The following SGCD variants were observed in gnomAD, a reference collection of about 807,000 sequenced individuals.
SGCD encodes sarcoglycan delta, also known as delta-sarcoglycan.
Under a neutral mutation model 36.6 loss-of-function variants are expected in SGCD, and 18 were observed. That is an observed-to-expected ratio of 0.49 (90% CI 0.34 to 0.73). The LOEUF (loss-of-function observed/expected upper bound fraction) is 0.73, where lower values mean the gene tolerates loss of function less well. Ranked by LOEUF, SGCD falls within the 30% of genes least tolerant of loss-of-function variation. The probability of loss-of-function intolerance (pLI) is 0.01; values close to 1 mark genes in which losing one functional copy is unlikely to be tolerated. For synonymous variants in SGCD, 133 were observed against 130.6 expected, an observed-to-expected ratio of 1.02 and a Z score of -0.12; for missense variants, 387 against 346.7, an observed-to-expected ratio of 1.12 and a Z score of -0.92.
chr5:155,955,010 T>A (rs1253990854), intron 1 of SGCD, among the ~76,000 whole-genome samples: 2 of 152,138 alleles, frequency 1.3e-5, no homozygotes, highest in Non-Finnish European at 2.9e-5. Context: ...GACCAGTGTC[T>A]TGCTCAAGCT....
chr5:156,422,993 G>A (rs1370511630), intron 3 of SGCD, among the ~76,000 whole-genome samples: 2 of 150,620 alleles, frequency 1.3e-5, no homozygotes, highest in Non-Finnish European at 2.9e-5. Context: ...GAATGCCAGA[G>A]GCCTGCAGTC....
intron 3 of SGCD, among the ~76,000 whole-genome samples, chr5:156,190,833 T>C (rs557372945): frequency 6.6e-6 from 1 of 152,248 alleles, no homozygotes; most frequent in African/African-American, 2.4e-5. Flanking sequence ...CATCTAAAAT[T>C]CATCGGGAGT....
chr5:156,314,181 T>A (rs1767456863), intron 3 of SGCD, among the ~76,000 whole-genome samples: 1 of 152,168 alleles, frequency 6.6e-6, no homozygotes, highest in South Asian at 2.1e-4. Flanking sequence ...GGAGGGTCAC[T>A]GTATTGGTGA....
At chr5:155,890,269 A>G (rs1756093745) in intron 1 of SGCD, among the ~76,000 whole-genome samples, 1 of 152,074 alleles carries the variant, frequency 6.6e-6, no homozygotes, top group African/African-American at 2.4e-5. Context: ...GAAACTCATT[A>G]TGGCCAAGCC....
chr5:155,930,756 C>G (rs991021916), intron 1 of SGCD, among the ~76,000 whole-genome samples: 3 of 152,142 alleles, frequency 2.0e-5, no homozygotes, highest in Admixed American at 6.5e-5. Flanking sequence ...ATGGTTCTTT[C>G]CAATTAAAAT....
At chr5:156,469,499 T>C (rs1321001271) in intron 3 of SGCD, among the ~76,000 whole-genome samples, 1 of 152,246 alleles carries the variant, frequency 6.6e-6, no homozygotes, top group East Asian at 1.9e-4. Context: ...GATTTTTATA[T>C]TTATTTAAAG....
chr5:156,266,999 C>T (rs564711440), intron 3 of SGCD, among the ~76,000 whole-genome samples: 23 of 152,120 alleles, frequency 1.5e-4, no homozygotes, highest in African/African-American at 5.1e-4. Flanking sequence ...TAAAGCTTTC[C>T]TTCCTGTTAA....
intron 3 of SGCD, among the ~76,000 whole-genome samples, chr5:156,149,851 C>G (rs1241170338): frequency 2.0e-5 from 3 of 152,162 alleles, no homozygotes. Context: ...GAATCATCTA[C>G]TTCTTAAAAT....
chr5:156,307,600 G>C (rs879635027), intron 3 of SGCD, among the ~76,000 whole-genome samples: 1 of 27,670 alleles, frequency 3.6e-5, no homozygotes, highest in Admixed American at 4.8e-4. Context: ...CTGAATTTGT[G>C]TCTCGTTTTG....
chr5:155,777,946 T>C, the SGCD span, among the ~76,000 whole-genome samples: 5 of 152,302 alleles, frequency 3.3e-5, no homozygotes, highest in African/African-American at 1.2e-4. Flanking sequence ...TTGTCTCTCA[T>C]GGTTTGTAAT....
intron 1 of SGCD, among the ~76,000 whole-genome samples, chr5:155,974,100 A>G (rs1273511908): frequency 1.3e-5 from 2 of 152,110 alleles, no homozygotes; most frequent in African/African-American, 4.8e-5. Flanking sequence ...CTACATCTCA[A>G]TCTTTCGTGA....
At chr5:156,600,129 A>G (rs866807570) in intron 6 of SGCD, among the ~76,000 whole-genome samples, 11 of 152,208 alleles carry the variant, frequency 7.2e-5, no homozygotes, top group African/African-American at 1.9e-4. Context: ...AGCATATTCA[A>G]CACCTTGTGC....
At chr5:156,032,648 G>A (rs1235963235) in intron 1 of SGCD, among the ~76,000 whole-genome samples, 2 of 142,282 alleles carry the variant, frequency 1.4e-5, no homozygotes, top group Non-Finnish European at 3.0e-5. Context: ...AACCCGGGAG[G>A]TGGAGCTTGT....
chr5:156,184,796 A>C (rs1488867634), intron 3 of SGCD, among the ~76,000 whole-genome samples: 1 of 152,156 alleles, frequency 6.6e-6, no homozygotes, highest in Non-Finnish European at 1.5e-5. Flanking sequence ...CACAGGTGAA[A>C]TAGTGAGGAC....
At chr5:156,497,172 TCTCTCTCTCTCTCTCTC>T (rs1756233421) in intron 3 of SGCD, among the ~76,000 whole-genome samples, 1 of 13,944 alleles carries the variant, frequency 7.2e-5, no homozygotes, top group Non-Finnish European at 1.3e-4. Flanking sequence ...TCTCCTGCAC[TCTCTCTCTCTCTCTCTC>T]TCTCTCTCTC....
intron 3 of SGCD, among the ~76,000 whole-genome samples, chr5:156,221,970 A>T (rs970991585): frequency 5.3e-5 from 8 of 152,022 alleles, no homozygotes; most frequent in Admixed American, 1.3e-4. Context: ...CTGGTAGCCT[A>T]GAGAATAGAA....
At chr5:156,000,978 A>C (rs1370405615) in intron 1 of SGCD, among the ~76,000 whole-genome samples, 1 of 152,140 alleles carries the variant, frequency 6.6e-6, no homozygotes, top group Non-Finnish European at 1.5e-5. Flanking sequence ...CAGCCATGCT[A>C]ATTCTCACAT....
chr5:156,099,653 G>T (rs1349900314), intron 1 of SGCD, among the ~76,000 whole-genome samples: 3 of 152,088 alleles, frequency 2.0e-5, no homozygotes, highest in Non-Finnish European at 4.4e-5. Context: ...GACCTCAAAT[G>T]ATCCACCTGC....
chr5:156,654,776 AAG>A (rs750765365), intron 7 of SGCD, among the ~76,000 whole-genome samples: 10 of 152,178 alleles, frequency 6.6e-5, no homozygotes, highest in Non-Finnish European at 1.2e-4. Flanking sequence ...AAAGTTAAAA[AAG>A]AGTTATAAAA....
Sources: gnomAD v4.1 joint callset for allele counts (sites outside exome capture counted in the v4.1 genomes callset) on GRCh38, gnomAD v4.1.1 for gene constraint, MANE v1.5 for transcripts, NCBI Gene and HGNC (gene_info 2026-07-23, HGNC 2026-07-21) for gene names.